The following GREM2 variants were observed in gnomAD, a reference collection of about 807,000 sequenced individuals.
The protein encoded by GREM2 is gremlin-2.
GREM2 carries 11 observed loss-of-function variants against 14.2 expected under a neutral mutation model. The ratio of observed to expected loss-of-function variants is 0.78; its 90% CI spans 0.49 to 1.28. GREM2 has a LOEUF of 1.28. GREM2 is among the 50% of genes most tolerant of loss of function. The pLI is 0.00. For synonymous variants in GREM2, 98 were observed against 97.6 expected (o/e 1.00, Z -0.02); for missense variants, 210 against 218.5 (o/e 0.96, Z 0.24).
At chr1:240,561,283 G>T (rs1001133651) in intron 1 of GREM2, among the ~76,000 whole-genome samples, 1 of 152,020 alleles carries the variant, frequency 6.6e-6, no homozygotes, top group Admixed American at 6.6e-5. Flanking sequence ...AAATACTTGT[G>T]GATTAATTGA....
chr1:240,541,210 T>C (rs562692992), intron 1 of GREM2, among the ~76,000 whole-genome samples: 5 of 152,308 alleles, frequency 3.3e-5, no homozygotes, highest in East Asian at 1.9e-4. Context: ...TGCTTCCAGA[T>C]TGCATGGCCT....
rs1292337345 is a variant in GREM2, at chr1:240,543,071, CCTT to C, written c.-1-49598_-1-49596del. Among the ~76,000 whole-genome samples the C allele has an allele frequency of 6.6e-6, 1 of 152,180 alleles. No homozygotes were observed. The highest frequency in any genetic ancestry group is 1.5e-5 in the Non-Finnish European group (1 of 68,030). On this transcript the variant is annotated intron_variant, in intron 1 of 1. Coordinates refer to ENST00000318160, the MANE Select transcript of GREM2 (RefSeq NM_022469.4). The surrounding 1 kb of genome is among the most constrained non-coding windows in gnomAD (Gnocchi z 6.4). ...CTCCCAAAATGTCCTAGGCTGCTCT[CCTT>C]CTGAGGTTTCAAAAGCATTTCCTCG... is the stretch of plus-strand genomic sequence containing the variant.
chr1:240,563,194 AGT>A (rs761054784), intron 1 of GREM2, among the ~76,000 whole-genome samples: 272 of 148,000 alleles, frequency 1.8e-3, no homozygotes, highest in Middle Eastern at 3.5e-3. Context: ...TACGTGTGTG[AGT>A]GTGTGTAAGT....
chr1:240,570,989 T>A (rs979756784), intron 1 of GREM2, among the ~76,000 whole-genome samples: 2 of 152,188 alleles, frequency 1.3e-5, no homozygotes, highest in African/African-American at 4.8e-5. Flanking sequence ...TACCTACATA[T>A]TGAAATCACA....
chr1:240,591,064 G>T (rs779338458), intron 1 of GREM2, among the ~76,000 whole-genome samples: 4 of 152,160 alleles, frequency 2.6e-5, no homozygotes, highest in African/African-American at 7.2e-5. Flanking sequence ...ACAGGCGTGA[G>T]CCACCATGCC....
intron 1 of GREM2, among the ~76,000 whole-genome samples, chr1:240,549,623 T>C (rs1015588580): frequency 6.6e-6 from 1 of 152,130 alleles, no homozygotes; most frequent in Admixed American, 6.6e-5. Flanking sequence ...GGAAAGGCCT[T>C]GGTCTTGGAG....
intron 1 of GREM2, among the ~76,000 whole-genome samples, chr1:240,592,086 A>T (rs1455694140): frequency 6.6e-6 from 1 of 152,216 alleles, no homozygotes; most frequent in East Asian, 1.9e-4. Flanking sequence ...GAGACACTCC[A>T]TCTTGGCATT....
chr1:240,529,239 C>CTTT lies in GREM2; in HGVS notation c.-1-35766_-1-35764dup, dbSNP rs36061225. ...TGACTCATTTGAACCAGTGGATAGG[C>CTTT]TTTTTTTTTTTTTTTTTTAGCTGCC... On this transcript the variant is annotated intron_variant, in intron 1 of 1. Transcript: ENST00000318160. Among the ~76,000 whole-genome samples the CTTT allele has an allele frequency of 8.7e-3, 837 of 96,038 alleles. 22 individuals carry two copies. The highest frequency in any genetic ancestry group is 0.033 in the African/African-American group (812 of 24,272). 63.0% of individuals were successfully genotyped at this position (96,038 alleles called of 152,430 possible). A position where few individuals can be genotyped will look rare whatever the true frequency, so the allele number is the denominator to read the frequency against.
At chr1:240,590,493 G>A (rs1442344458) in intron 1 of GREM2, among the ~76,000 whole-genome samples, 1 of 150,414 alleles carries the variant, frequency 6.6e-6, no homozygotes, top group South Asian at 2.1e-4. Context: ...GTAATGGGGC[G>A]ATCCTGGCTC....
intron 1 of GREM2, among the ~76,000 whole-genome samples, chr1:240,516,127 C>CT (rs34728833): frequency 0.58 from 83,729 of 143,424 alleles, 25,944 homozygotes; most frequent in African/African-American, 0.83. Context: ...CCAACCCTGA[C>CT]TTTTTTTTTT....
chr1:240,592,054 T>C (rs908769521), intron 1 of GREM2, among the ~76,000 whole-genome samples: 2 of 152,212 alleles, frequency 1.3e-5, no homozygotes, highest in Non-Finnish European at 2.9e-5. Context: ...AGAAGAATTC[T>C]AAAGGCTGTG....
At chr1:240,549,544 C>T (rs575175234) in intron 1 of GREM2, among the ~76,000 whole-genome samples, 13 of 151,952 alleles carry the variant, frequency 8.6e-5, no homozygotes, top group African/African-American at 1.2e-4. Context: ...AAAGACACAA[C>T]AAAAAAACCG....
At chr1:240,534,774 G>C (rs1332789883) in intron 1 of GREM2, among the ~76,000 whole-genome samples, 1 of 152,126 alleles carries the variant, frequency 6.6e-6, no homozygotes, top group African/African-American at 2.4e-5. Context: ...AGACTAGTTA[G>C]GAGGCTACTG....
chr1:240,511,469 G>A (rs534285088), intron 1 of GREM2, among the ~76,000 whole-genome samples: 1 of 152,302 alleles, frequency 6.6e-6, no homozygotes, highest in South Asian at 2.1e-4. Context: ...AGGGACTTGA[G>A]GCCAGGCCTG....
chr1:240,531,947 G>T (rs1678372377), intron 1 of GREM2, among the ~76,000 whole-genome samples: 2 of 151,866 alleles, frequency 1.3e-5, no homozygotes, highest in Admixed American at 1.3e-4. Flanking sequence ...GATAGCCATT[G>T]GTAGACACTT....
At chr1:240,584,494 CA>C (rs35785335) in intron 1 of GREM2, among the ~76,000 whole-genome samples, 29,432 of 73,444 alleles carry the variant, frequency 0.4, 3,246 homozygotes, top group African/African-American at 0.53. Flanking sequence ...GACTCCATCT[CA>C]AAAAAAAAAA....
chr1:240,591,155 A>G (rs1679708286), intron 1 of GREM2, among the ~76,000 whole-genome samples: 1 of 152,250 alleles, frequency 6.6e-6, no homozygotes, highest in Non-Finnish European at 1.5e-5. Flanking sequence ...CCACCCCATC[A>G]AAAGAAGCAC....
intron 1 of GREM2, among the ~76,000 whole-genome samples, chr1:240,536,647 T>C (rs1678477207): frequency 1.6e-5 from 2 of 126,596 alleles, no homozygotes. Flanking sequence ...CAGCGGGGGC[T>C]GTAGATCTGG....
At chr1:240,592,187 G>T (rs1353890896) in intron 1 of GREM2, among the ~76,000 whole-genome samples, 1 of 152,110 alleles carries the variant, frequency 6.6e-6, no homozygotes, top group African/African-American at 2.4e-5. Context: ...TCATCTAGAA[G>T]GTGAGTGAAA....
Sources: gnomAD v4.1 joint callset for allele counts (sites outside exome capture counted in the v4.1 genomes callset) on GRCh38, gnomAD v4.1.1 for gene constraint, Gnocchi (gnomAD v3.1) non-coding constraint, MANE v1.5 for transcripts, NCBI Gene and HGNC (gene_info 2026-07-23, HGNC 2026-07-21) for gene names.